The following TMEM254 variants were observed in gnomAD, a reference collection of about 807,000 sequenced individuals.
TMEM254 encodes transmembrane protein 254.
Under a neutral mutation model 13.9 loss-of-function variants are expected in TMEM254, and 16 were observed. The ratio of observed to expected loss-of-function variants is 1.15; its 90% CI spans 0.78 to 1.75. The LOEUF (loss-of-function observed/expected upper bound fraction) is 1.75. TMEM254 is among the 40% of genes most tolerant of loss of function. The pLI is 0.00. For synonymous variants in TMEM254, 61 were observed against 56.4 expected (o/e 1.08, Z -0.36); for missense variants, 155 against 149.0 (o/e 1.04, Z -0.21).
In TMEM254 at chr10:80,089,859, G is replaced by A. The variant is rs150311376; in HGVS notation, c.252-938G>A. ...TCTACTAAAGAAATACAAAAAATTAGCCAGGCGTGGTGGCGGGCTCCTGTA... is the reference window on the plus strand; with the variant it reads ...TCTACTAAAGAAATACAAAAAATTAACCAGGCGTGGTGGCGGGCTCCTGTA... On this transcript the variant is annotated intron_variant, in intron 3 of 3. Transcript: ENST00000372281. Among the ~76,000 whole-genome samples, 1,428 of 152,040 alleles carry A rather than the reference G, an allele frequency of 9.4e-3. 11 individuals carry two copies. Among genetic ancestry groups the A allele is most frequent in the Admixed American group, 0.016 (243 of 15,270 alleles).
At position 80,081,842 on chromosome 10, in the gene TMEM254, G is replaced by A. The variant is rs376775128; in HGVS notation, c.89G>A (p.Trp30Ter). ...TCTGTGTCTCTGCTTCTCTTTCAGTGGGTTGTCTTCTGGCCTCAGAGTATC... is the reference window on the plus strand; with the variant it reads ...TCTGTGTCTCTGCTTCTCTTTCAGTAGGTTGTCTTCTGGCCTCAGAGTATC... ...VITLSFGYYT[W>*]VVFWPQSIPY... Residue 30 changes from tryptophan to a stop codon, truncating the protein, a stop_gained and splice_region_variant, in exon 2 of 4, where the codon TGG (tryptophan) becomes TAG (stop). Transcript: ENST00000372281. LOFTEE classifies it high-confidence loss of function. 1.5e-5 allele frequency: 25 copies of A among 1,614,184 alleles called. No individual in the cohort carries two copies. Among genetic ancestry groups the A allele is most frequent in the Non-Finnish European group, 2.1e-5 (25 of 1,180,042 alleles).
intron 1 of TMEM254, chr10:80,081,592 C>T (rs1161523329): frequency 1.6e-6 from 2 of 1,218,482 alleles, no homozygotes; most frequent in Admixed American, 4.7e-5. Context: ...GGATTGAGCC[C>T]AGATGGTGGA....
intron 3 of TMEM254, among the ~76,000 whole-genome samples, chr10:80,084,498 G>A (rs373740481): frequency 6.6e-6 from 1 of 152,116 alleles, no homozygotes; most frequent in Non-Finnish European, 1.5e-5. Flanking sequence ...TCAGTGTGGC[G>A]GTGCTTCCTT....
chr10:80,085,875 C>T (rs1357005697), intron 3 of TMEM254, among the ~76,000 whole-genome samples: 3 of 152,106 alleles, frequency 2.0e-5, no homozygotes, highest in Admixed American at 6.5e-5. Flanking sequence ...ATGGCTTATT[C>T]TCTTAGTTCA....
intron 3 of TMEM254, chr10:80,086,280 A>T: frequency 6.8e-7 from 1 of 1,467,180 alleles, no homozygotes; most frequent in Non-Finnish European, 9.0e-7. Context: ...AGAACAAGTT[A>T]TGATGACCCC....
At chr10:80,087,019 C>CT (rs1335471126) in intron 3 of TMEM254, among the ~76,000 whole-genome samples, 1 of 151,908 alleles carries the variant, frequency 6.6e-6, no homozygotes, top group East Asian at 1.9e-4. Context: ...CCAGGCTGGC[C>CT]TTGAGCACCT....
At chr10:80,082,288 A>G in intron 3 of TMEM254, 84 bp downstream of exon 3, 2 of 1,475,756 alleles carry the variant, frequency 1.4e-6, no homozygotes, top group Non-Finnish European at 1.9e-6. Context: ...TAGTTCACAC[A>G]CTTGTAGGCT....
Position 80,078,801 on chromosome 10 carries a change from T to A in TMEM254, c.87+15T>A, listed in dbSNP as rs1329834926. ...GCTACTACACAGTAAGGACAGCCGC[T>A]GGAGCGCTACGGTCTGACGAACGAG... is the stretch of plus-strand genomic sequence containing the variant. On this transcript the variant is annotated intron_variant, in intron 1 of 3. Coordinates refer to ENST00000372281, the MANE Select transcript of TMEM254 (RefSeq NM_025125.4). 6.3e-7 allele frequency: 1 copy of A among 1,590,150 alleles called. No individual in the cohort carries two copies. The highest frequency in any genetic ancestry group is 1.8e-5 in the Admixed American group (1 of 56,876).
chr10:80,085,197 A>G (rs943179344), intron 3 of TMEM254, among the ~76,000 whole-genome samples: 2 of 152,072 alleles, frequency 1.3e-5, no homozygotes, highest in Admixed American at 1.3e-4. Flanking sequence ...ATGTTCTTGA[A>G]ATCATTTATG....
At chr10:80,084,418 G>A (rs1357231458) in intron 3 of TMEM254, among the ~76,000 whole-genome samples, 1 of 152,148 alleles carries the variant, frequency 6.6e-6, no homozygotes, top group African/African-American at 2.4e-5. Flanking sequence ...CCTTCTCCAG[G>A]ATCTGTATGG....
chr10:80,086,202 T>C, intron 3 of TMEM254: 1 of 1,410,998 alleles, frequency 7.1e-7, no homozygotes, highest in Non-Finnish European at 9.3e-7. Flanking sequence ...TAAGAAAACT[T>C]TCTTAAAAGA....
chr10:80,089,591 T>C (rs1405398584), intron 3 of TMEM254, among the ~76,000 whole-genome samples: 1 of 152,112 alleles, frequency 6.6e-6, no homozygotes, highest in Non-Finnish European at 1.5e-5. Flanking sequence ...GGTGGGAGGA[T>C]AGCTTTAGCC....
rs113337878 is a variant in TMEM254, at chr10:80,080,729, A to G, written c.88-1112A>G. ...CGAGGCGGGCAAATCGCTTGAGCCC[A>G]GGAGTTCGAGACCATCCTGGGCAAC... On this transcript the variant is annotated intron_variant, in intron 1 of 3. Coordinates refer to ENST00000372281, the MANE Select transcript of TMEM254 (RefSeq NM_025125.4). Among the ~76,000 whole-genome samples the G allele has an allele frequency of 4.8e-3, 725 of 152,040 alleles. 9 individuals are homozygous for G. The highest frequency in any genetic ancestry group is 0.017 in the African/African-American group (687 of 41,454).
At chr10:80,090,580 C>T (rs1736000503) in intron 3 of TMEM254, 2 of 623,098 alleles carry the variant, frequency 3.2e-6, no homozygotes, top group Non-Finnish European at 5.7e-6. Flanking sequence ...CAGACTAGTT[C>T]TCAGGGAATA....
At chr10:80,084,831 T>A (rs1844229524) in intron 3 of TMEM254, among the ~76,000 whole-genome samples, 1 of 152,120 alleles carries the variant, frequency 6.6e-6, no homozygotes, top group Admixed American at 6.6e-5. Context: ...TTTTTATTTA[T>A]TTTTTTCTTT....
intron 3 of TMEM254, among the ~76,000 whole-genome samples, chr10:80,089,385 T>C (rs1202295380): frequency 7.9e-5 from 12 of 152,138 alleles, no homozygotes; most frequent in Admixed American, 7.9e-4. Context: ...AAATGGATGT[T>C]GGATGTGGAT....
At position 80,091,055 on chromosome 10, in the gene TMEM254, G is replaced by A. The variant is rs534527713; in HGVS notation, c.*138G>A. On this transcript the variant is annotated 3_prime_UTR_variant, in exon 4 of 4. Transcript: ENST00000372281. ...CTTCAAAGCTCTTTAAGACCCCCTCGTTAGTCAGTTTTTTCTCTTATATGC... is the reference window on the plus strand; with the variant it reads ...CTTCAAAGCTCTTTAAGACCCCCTCATTAGTCAGTTTTTTCTCTTATATGC... 1.2e-5 allele frequency: 13 copies of A among 1,127,516 alleles called. No homozygotes were observed. Among genetic ancestry groups the A allele is most frequent in the African/African-American group, 9.5e-5 (6 of 63,336 alleles). 69.8% of individuals were successfully genotyped at this position (1,127,516 alleles called of 1,614,324 possible).
At position 80,082,132 on chromosome 10, in the gene TMEM254, T is replaced by C. The variant is rs756632991; in HGVS notation, c.192-13T>C. On this transcript the variant is annotated splice_polypyrimidine_tract_variant and intron_variant, in intron 2 of 3. Coordinates refer to ENST00000372281, the MANE Select transcript of TMEM254 (RefSeq NM_025125.4). ...ATCACCTTAAAAAAGATTAACCTTT[T>C]TTTTGGTTTCAGGTATTGGCTTGCC... The C allele has an allele frequency of 6.2e-7, 1 of 1,614,184 alleles. No individual in the cohort carries two copies. The highest frequency in any genetic ancestry group is 1.1e-5 in the South Asian group (1 of 91,072).
chr10:80,080,866 T>G (rs71481551), intron 1 of TMEM254, among the ~76,000 whole-genome samples: 5 of 152,082 alleles, frequency 3.3e-5, no homozygotes, highest in Non-Finnish European at 5.9e-5. Context: ...GATCACCTGA[T>G]GTCAGGAGTT....
Sources: gnomAD v4.1 joint callset for allele counts (sites outside exome capture counted in the v4.1 genomes callset) on GRCh38, gnomAD v4.1.1 for gene constraint, MANE v1.5 for transcripts, NCBI Gene and HGNC (gene_info 2026-07-23, HGNC 2026-07-21) for gene names.